ZNF892: variants seen among roughly 807,000 people sequenced by gnomAD.
ZNF892 encodes zinc finger protein 570-like.
the ZNF892 span, among the ~76,000 whole-genome samples, chr2:95,249,406 ATTTT>A: frequency 7.5e-6 from 1 of 132,500 alleles, no homozygotes; most frequent in Non-Finnish European, 1.6e-5. Context: ...ACTCCTGGCT[ATTTT>A]TTTTTTTTTT....
At chr2:95,248,947 T>C in the ZNF892 span, among the ~76,000 whole-genome samples, 1 of 151,806 alleles carries the variant, frequency 6.6e-6, no homozygotes, top group East Asian at 1.9e-4. Flanking sequence ...ACCTTATTGA[T>C]TGATTGATTG....
the ZNF892 span, among the ~76,000 whole-genome samples, chr2:95,245,277 G>A: frequency 4.1e-5 from 5 of 121,968 alleles, no homozygotes; most frequent in Admixed American, 9.6e-5. Context: ...TTGAGACAGA[G>A]TCTCACTTTG....
the ZNF892 span, among the ~76,000 whole-genome samples, chr2:95,260,863 G>A: frequency 6.6e-6 from 1 of 152,162 alleles, no homozygotes; most frequent in Non-Finnish European, 1.5e-5. Context: ...TCAGAGGTCA[G>A]CAAGGCCAAA....
the ZNF892 span, among the ~76,000 whole-genome samples, chr2:95,225,247 CAT>C: frequency 6.6e-6 from 1 of 152,086 alleles, no homozygotes; most frequent in African/African-American, 2.4e-5. Context: ...GTAAAAAACA[CAT>C]AACATAAAAT....
At chr2:95,218,452 C>T in the ZNF892 span, among the ~76,000 whole-genome samples, 1 of 152,090 alleles carries the variant, frequency 6.6e-6, no homozygotes, top group Non-Finnish European at 1.5e-5. Context: ...ACAAGAACCA[C>T]CTTTTTTTTT....
At chr2:95,246,253 A>G in the ZNF892 span, among the ~76,000 whole-genome samples, 2 of 152,356 alleles carry the variant, frequency 1.3e-5, no homozygotes, top group Admixed American at 1.3e-4. Flanking sequence ...AAACAGAACT[A>G]AAGACAAAAA....
At chr2:95,228,234 A>G in the ZNF892 span, among the ~76,000 whole-genome samples, 2 of 151,172 alleles carry the variant, frequency 1.3e-5, no homozygotes, top group Non-Finnish European at 1.5e-5. Context: ...AGATTAAGCA[A>G]TTTTGACAAG....
chr2:95,233,475 C>G, the ZNF892 span, among the ~76,000 whole-genome samples: 1 of 151,066 alleles, frequency 6.6e-6, no homozygotes, highest in African/African-American at 2.4e-5. Context: ...AGATGGAGAC[C>G]ATCCTGGCTA....
chr2:95,207,486 G>T, the ZNF892 span: 2 of 245,750 alleles, frequency 8.1e-6, no homozygotes, highest in Non-Finnish European at 1.5e-5. Context: ...AGTGAGGGCC[G>T]TCAGCCGCGC....
chr2:95,214,991 C>A, the ZNF892 span: 1 of 499,796 alleles, frequency 2.0e-6, no homozygotes. Flanking sequence ...AGAGTTCATA[C>A]CTCACTCAAC....
the ZNF892 span, among the ~76,000 whole-genome samples, chr2:95,234,294 T>G: frequency 6.6e-6 from 1 of 152,354 alleles, no homozygotes; most frequent in East Asian, 1.9e-4. Context: ...AAGTGGTTAT[T>G]ATGATTAGAA....
the ZNF892 span, among the ~76,000 whole-genome samples, chr2:95,251,169 A>G: frequency 6.6e-6 from 1 of 152,158 alleles, no homozygotes; most frequent in Non-Finnish European, 1.5e-5. Context: ...ACATATGTAG[A>G]TATGAACATA....
At chr2:95,261,768 G>C in the ZNF892 span, among the ~76,000 whole-genome samples, 1 of 152,308 alleles carries the variant, frequency 6.6e-6, no homozygotes, top group South Asian at 2.1e-4. Context: ...CTGTGGGATG[G>C]GCTGAGCCAT....
chr2:95,257,660 C>G, the ZNF892 span, among the ~76,000 whole-genome samples: 1 of 152,200 alleles, frequency 6.6e-6, no homozygotes, highest in African/African-American at 2.4e-5. Context: ...TGCCCTGCCC[C>G]TAGAGATGGA....
At chr2:95,234,865 TCA>T in the ZNF892 span, among the ~76,000 whole-genome samples, 1 of 152,244 alleles carries the variant, frequency 6.6e-6, no homozygotes, top group African/African-American at 2.4e-5. Context: ...CTGGAGCAGC[TCA>T]CAGGACTCAG....
chr2:95,244,498 T>A, the ZNF892 span, among the ~76,000 whole-genome samples: 1 of 152,026 alleles, frequency 6.6e-6, no homozygotes, highest in East Asian at 1.9e-4. Flanking sequence ...AAAGAGCTAT[T>A]ATAAATATAT....
the ZNF892 span, among the ~76,000 whole-genome samples, chr2:95,261,896 G>C: frequency 0.029 from 4,416 of 152,288 alleles, 233 homozygotes; most frequent in African/African-American, 0.1. Flanking sequence ...AATGGGCCCC[G>C]TGCAGGCATT....
the ZNF892 span, among the ~76,000 whole-genome samples, chr2:95,255,855 A>G: frequency 6.6e-6 from 1 of 151,918 alleles, no homozygotes; most frequent in Non-Finnish European, 1.5e-5. Context: ...GTCTCTTTTG[A>G]TCTTTGTTGG....
chr2:95,260,035 C>A, the ZNF892 span, among the ~76,000 whole-genome samples: 1 of 152,164 alleles, frequency 6.6e-6, no homozygotes. Flanking sequence ...CCTGGAGGTG[C>A]CCTGGGAAGC....
Sources: allele counts gnomAD v4.1 joint callset (sites outside exome capture counted in the v4.1 genomes callset), GRCh38; gene constraint gnomAD v4.1.1; transcripts MANE v1.5; gene names NCBI Gene and HGNC (gene_info 2026-07-23, HGNC 2026-07-21).